Variants in CAMK2D observed in about 807,000 individuals in gnomAD.
The protein encoded by CAMK2D is calcium/calmodulin-dependent protein kinase type II subunit delta.
A neutral mutation model predicts 84.0 loss-of-function variants in CAMK2D; 37 were observed. The ratio of observed to expected loss-of-function variants is 0.44; its 90% confidence interval spans 0.34 to 0.58. CAMK2D has a LOEUF of 0.58. Ranked by LOEUF, CAMK2D falls within the 20% of genes least tolerant of loss-of-function variation. The probability of loss-of-function intolerance (pLI) is 0.02; values close to 1 mark genes in which losing one functional copy is unlikely to be tolerated. For synonymous variants in CAMK2D, 202 were observed against 212.5 expected (o/e 0.95, Z 0.43); for missense variants, 448 against 652.5 (o/e 0.69, Z 3.41).
Position 113,451,721 on chromosome 4 carries a change from A to AT in CAMK2D, c.*2823dup, listed in dbSNP as rs2097258712. 6.6e-6 allele frequency: 1 copy of AT among 152,202 alleles called. No homozygotes were observed. The highest frequency in any genetic ancestry group is 2.4e-5 in the African/African-American group (1 of 41,446). 9.4% of individuals were successfully genotyped at this position (152,202 alleles called of 1,614,324 possible). ...AATGATGAATACACAGTTCTTGCCC[A>AT]TGGAGACATTATACTGCAGTAGAGG... On this transcript the variant is annotated 3_prime_UTR_variant, in exon 21 of 21. Transcript: ENST00000511664.
intron 5 of CAMK2D, among the ~76,000 whole-genome samples, chr4:113,549,230 C>G (rs2098606353): frequency 6.6e-6 from 1 of 152,258 alleles, no homozygotes; most frequent in South Asian, 2.1e-4. Context: ...GACACATTTA[C>G]CATTTCGCCT....
chr4:113,585,385 A>G (rs1370434433), intron 4 of CAMK2D, among the ~76,000 whole-genome samples: 1 of 152,156 alleles, frequency 6.6e-6, no homozygotes, highest in Non-Finnish European at 1.5e-5. Context: ...ATGTGTGTGC[A>G]CGGACACAAA....
chr4:113,730,498 G>A (rs916487338), intron 2 of CAMK2D, among the ~76,000 whole-genome samples: 1 of 152,098 alleles, frequency 6.6e-6, no homozygotes, highest in Non-Finnish European at 1.5e-5. Flanking sequence ...ATTTGCTGTA[G>A]GTAGAAAGAC....
chr4:113,600,299 C>G (rs1172614665), intron 4 of CAMK2D, among the ~76,000 whole-genome samples: 1 of 152,098 alleles, frequency 6.6e-6, no homozygotes, highest in Non-Finnish European at 1.5e-5. Flanking sequence ...AGGTGATAAT[C>G]ATGTACCAAA....
intron 2 of CAMK2D, among the ~76,000 whole-genome samples, chr4:113,683,511 T>C (rs765766354): frequency 1.3e-5 from 2 of 152,188 alleles, no homozygotes; most frequent in Non-Finnish European, 2.9e-5. Context: ...CGGAGTTACT[T>C]ATTAAGTGCT....
At chr4:113,514,740 A>G (rs1261363996) in intron 10 of CAMK2D, among the ~76,000 whole-genome samples, 1 of 152,184 alleles carries the variant, frequency 6.6e-6, no homozygotes, top group Admixed American at 6.6e-5. Context: ...GAACTTTGTT[A>G]AATCTTTTCT....
chr4:113,481,305 C>G (rs1292743553), intron 16 of CAMK2D, among the ~76,000 whole-genome samples: 1 of 152,082 alleles, frequency 6.6e-6, no homozygotes. Flanking sequence ...ATTCTAGATA[C>G]TATGAATATG....
At chr4:113,760,182 C>T (rs2099637654) in intron 1 of CAMK2D, among the ~76,000 whole-genome samples, 1 of 152,150 alleles carries the variant, frequency 6.6e-6, no homozygotes, top group Non-Finnish European at 1.5e-5. Flanking sequence ...GGTCCCTTTG[C>T]ATAAGTCCTC....
chr4:113,653,084 G>T (rs1317500203), intron 3 of CAMK2D, among the ~76,000 whole-genome samples: 1 of 151,714 alleles, frequency 6.6e-6, no homozygotes, highest in African/African-American at 2.4e-5. Context: ...TGTCTTTTTA[G>T]TAAAATAAGC....
At chr4:113,654,059 C>A (rs2099188038) in intron 3 of CAMK2D, among the ~76,000 whole-genome samples, 1 of 152,006 alleles carries the variant, frequency 6.6e-6, no homozygotes, top group South Asian at 2.1e-4. Flanking sequence ...GACATCATAT[C>A]TCCAAAGTCA....
At chr4:113,543,735 C>T (rs972048655) in intron 6 of CAMK2D, among the ~76,000 whole-genome samples, 4 of 152,020 alleles carry the variant, frequency 2.6e-5, no homozygotes, top group African/African-American at 9.7e-5. Flanking sequence ...TTACAGCACT[C>T]AGCTCTTCAT....
At chr4:113,706,997 G>A (rs1219049470) in intron 2 of CAMK2D, among the ~76,000 whole-genome samples, 1 of 151,598 alleles carries the variant, frequency 6.6e-6, no homozygotes, top group Non-Finnish European at 1.5e-5. Flanking sequence ...AATATGTTCT[G>A]GAATATAAGA....
At chr4:113,527,121 A>C (rs1014505538) in intron 8 of CAMK2D, among the ~76,000 whole-genome samples, 1 of 152,086 alleles carries the variant, frequency 6.6e-6, no homozygotes, top group African/African-American at 2.4e-5. Context: ...TTATTTTCAG[A>C]AATTATCACA....
chr4:113,713,573 C>T (rs999922692), intron 2 of CAMK2D, among the ~76,000 whole-genome samples: 1 of 149,102 alleles, frequency 6.7e-6, no homozygotes, highest in African/African-American at 2.4e-5. Flanking sequence ...ATATTGGCAG[C>T]CAGTAGCTGC....
At chr4:113,675,833 T>C (rs1298204116) in intron 2 of CAMK2D, among the ~76,000 whole-genome samples, 5 of 152,346 alleles carry the variant, frequency 3.3e-5, no homozygotes, top group Admixed American at 2.6e-4. Flanking sequence ...ATCCCTATGC[T>C]TTATTCATTC....
intron 3 of CAMK2D, among the ~76,000 whole-genome samples, chr4:113,618,308 G>C (rs2099030244): frequency 6.6e-6 from 1 of 152,114 alleles, no homozygotes; most frequent in Non-Finnish European, 1.5e-5. Flanking sequence ...CCAAAAATAT[G>C]CTCTTCAAAA....
At position 113,520,176 on chromosome 4, in the gene CAMK2D, C is replaced by A. The variant is rs571330991; in HGVS notation, c.602-2519G>T. ...ATCCAAGCACTTTGGGAGGCCAAAA[C>A]GGGCAAATCACCTGAGGTCAGGTGA... On this transcript the variant is annotated intron_variant, in intron 8 of 20. Coordinates refer to ENST00000511664, the MANE Select transcript of CAMK2D (RefSeq NM_001321571.2). Among the ~76,000 whole-genome samples, 139 of 151,720 alleles carry A rather than the reference C, an allele frequency of 9.2e-4. 3 individuals carry two copies. The highest frequency in any genetic ancestry group is 2.7e-4 in the Non-Finnish European group (18 of 67,894).
chr4:113,731,389 T>C (rs1231236989), intron 2 of CAMK2D, among the ~76,000 whole-genome samples: 2 of 152,166 alleles, frequency 1.3e-5, no homozygotes, highest in Non-Finnish European at 1.5e-5. Flanking sequence ...TGTCAAAAAG[T>C]TTGAGTACTA....
intron 14 of CAMK2D, among the ~76,000 whole-genome samples, chr4:113,504,416 T>A (rs548518459): frequency 1.3e-5 from 2 of 152,208 alleles, no homozygotes; most frequent in African/African-American, 2.4e-5. Context: ...GAAAATTTAA[T>A]TTAAAACATA....
Sources: allele counts gnomAD v4.1 joint callset (sites outside exome capture counted in the v4.1 genomes callset), GRCh38; gene constraint gnomAD v4.1.1; transcripts MANE v1.5; gene names NCBI Gene and HGNC (gene_info 2026-07-23, HGNC 2026-07-21).